The following SPAG16 variants were observed in gnomAD, a reference collection of about 807,000 sequenced individuals.
The protein encoded by SPAG16 is sperm-associated antigen 16 protein.
A neutral mutation model predicts 80.4 loss-of-function variants in SPAG16; 86 were observed. That is an observed-to-expected ratio of 1.07 (90% CI 0.90 to 1.28). SPAG16 has a LOEUF of 1.28. SPAG16 is among the 50% of genes most tolerant of loss of function. The pLI is 0.00. For synonymous variants in SPAG16, 294 were observed against 265.9 expected (o/e 1.11, Z -1.03); for missense variants, 870 against 765.3 (o/e 1.14, Z -1.61).
chr2:213,721,862 GAATC>G (rs748248473), intron 10 of SPAG16, among the ~76,000 whole-genome samples: 2 of 152,140 alleles, frequency 1.3e-5, no homozygotes, highest in Non-Finnish European at 2.9e-5. Flanking sequence ...GGAGCAAAAA[GAATC>G]AAAAGAACCA....
At position 214,021,291 on chromosome 2, in the gene SPAG16, C is replaced by T. The variant is rs1026180646; in HGVS notation, c.1527+7214C>T. Among the ~76,000 whole-genome samples the T allele has an allele frequency of 5.3e-5, 8 of 152,182 alleles. No individual in the cohort carries two copies. In the East Asian group the frequency reaches 5.8e-4, roughly 11 times the overall value. ...GGACTAGTGTATTAATCTGTTTTCA[C>T]GCTGCTGATAAAGACATACCCAAGA... On this transcript the variant is annotated intron_variant, in intron 13 of 15. Transcript: ENST00000331683.
chr2:213,909,193 G>T (rs904703945), intron 11 of SPAG16, among the ~76,000 whole-genome samples: 1 of 152,096 alleles, frequency 6.6e-6, no homozygotes, highest in Admixed American at 6.6e-5. Context: ...CCTCTTCAAG[G>T]ACAACTACAA....
chr2:213,589,247 A>G (rs1451230761), intron 10 of SPAG16, among the ~76,000 whole-genome samples: 1 of 152,214 alleles, frequency 6.6e-6, no homozygotes, highest in Admixed American at 6.5e-5. Flanking sequence ...TTAGATCACA[A>G]TGTGGATGAA....
chr2:214,043,605 A>G (rs1361137209), intron 13 of SPAG16, among the ~76,000 whole-genome samples: 1 of 152,130 alleles, frequency 6.6e-6, no homozygotes, highest in Non-Finnish European at 1.5e-5. Context: ...AAACTCAGTC[A>G]TATATTGTGA....
At chr2:213,419,835 C>A (rs2047838) in intron 9 of SPAG16, among the ~76,000 whole-genome samples, 3,530 of 152,140 alleles carry the variant, frequency 0.023, 56 homozygotes, top group South Asian at 0.038. Flanking sequence ...GTAAGAGATC[C>A]GTATGAACAA....
intron 10 of SPAG16, among the ~76,000 whole-genome samples, chr2:213,681,474 T>C (rs1271764447): frequency 6.6e-6 from 1 of 152,180 alleles, no homozygotes; most frequent in African/African-American, 2.4e-5. Flanking sequence ...CTAACAACTC[T>C]TTCTATGCTT....
chr2:213,894,459 C>G (rs894908452), intron 11 of SPAG16, among the ~76,000 whole-genome samples: 3 of 152,020 alleles, frequency 2.0e-5, no homozygotes, highest in African/African-American at 7.2e-5. Context: ...ATAAAGGCTG[C>G]ATATGACAAG....
chr2:213,418,294 T>C (rs534036584), intron 9 of SPAG16, among the ~76,000 whole-genome samples: 12 of 152,286 alleles, frequency 7.9e-5, no homozygotes, highest in African/African-American at 2.9e-4. Context: ...CATGTACACT[T>C]CTACCCACAA....
chr2:214,226,212 C>T (rs111232691), intron 15 of SPAG16, among the ~76,000 whole-genome samples: 2,735 of 152,130 alleles, frequency 0.018, 53 homozygotes, highest in African/African-American at 0.043. Context: ...AGGGGCTAGC[C>T]CGTCTAGGAT....
intron 13 of SPAG16, among the ~76,000 whole-genome samples, chr2:214,089,106 G>C (rs1026708334): frequency 1.3e-5 from 2 of 152,034 alleles, no homozygotes; most frequent in Non-Finnish European, 2.9e-5. Context: ...CACTTCGACT[G>C]TAGAGTCCTT....
At chr2:214,314,475 T>C (rs970078283) in intron 15 of SPAG16, among the ~76,000 whole-genome samples, 5 of 152,194 alleles carry the variant, frequency 3.3e-5, no homozygotes, top group African/African-American at 1.2e-4. Context: ...GTGTTGATAT[T>C]TATTCAGCAA....
At chr2:214,331,327 C>T (rs761830782) in intron 15 of SPAG16, among the ~76,000 whole-genome samples, 7 of 152,106 alleles carry the variant, frequency 4.6e-5, no homozygotes, top group Non-Finnish European at 1.0e-4. Context: ...TCAGTTACTC[C>T]AGCCAGGGTA....
chr2:213,871,116 ACCT>A (rs1470400424), intron 11 of SPAG16, among the ~76,000 whole-genome samples: 1 of 152,172 alleles, frequency 6.6e-6, no homozygotes, highest in East Asian at 1.9e-4. Flanking sequence ...TATCAGAAGA[ACCT>A]ACAACCTAGT....
intron 13 of SPAG16, among the ~76,000 whole-genome samples, chr2:214,074,287 C>T (rs2050953477): frequency 6.6e-6 from 1 of 152,126 alleles, no homozygotes; most frequent in South Asian, 2.1e-4. Context: ...GAAATCTCAA[C>T]TAAGACATAA....
At chr2:214,356,535 GT>G (rs1214363053) in intron 15 of SPAG16, among the ~76,000 whole-genome samples, 1 of 149,442 alleles carries the variant, frequency 6.7e-6, no homozygotes, top group Non-Finnish European at 1.5e-5. Context: ...AGCATTTTAA[GT>G]TTTTCTTTTC....
At chr2:214,025,594 C>G (rs1349373748) in intron 13 of SPAG16, among the ~76,000 whole-genome samples, 1 of 151,628 alleles carries the variant, frequency 6.6e-6, no homozygotes, top group Admixed American at 6.6e-5. Context: ...ACATTTGTGG[C>G]AAGTGTTTCC....
intron 11 of SPAG16, among the ~76,000 whole-genome samples, chr2:213,879,451 C>T (rs2076264180): frequency 6.6e-6 from 1 of 151,180 alleles, no homozygotes; most frequent in African/African-American, 2.4e-5. Flanking sequence ...AATGAGATTG[C>T]TTTCTTGATT....
At chr2:213,566,757 T>A (rs80318795) in intron 10 of SPAG16, among the ~76,000 whole-genome samples, 7,777 of 152,256 alleles carry the variant, frequency 0.051, 685 homozygotes, top group African/African-American at 0.18. Flanking sequence ...CATTCATAAC[T>A]TAAGAAAACT....
intron 10 of SPAG16, among the ~76,000 whole-genome samples, chr2:213,580,548 T>C (rs2060265863): frequency 6.6e-6 from 1 of 152,130 alleles, no homozygotes; most frequent in Non-Finnish European, 1.5e-5. Flanking sequence ...GTTGGTAGAT[T>C]ATTTCCCAAA....
Sources: gnomAD v4.1 joint callset for allele counts (sites outside exome capture counted in the v4.1 genomes callset) on GRCh38, gnomAD v4.1.1 for gene constraint, MANE v1.5 for transcripts, NCBI Gene and HGNC (gene_info 2026-07-23, HGNC 2026-07-21) for gene names.